FHIT: variants seen among roughly 807,000 people sequenced by gnomAD.
FHIT encodes the protein bis(5'-adenosyl)-triphosphatase.
A neutral mutation model predicts 17.9 loss-of-function variants in FHIT; 19 were observed. That is an observed-to-expected ratio of 1.06 (90% CI 0.74 to 1.56). The LOEUF (loss-of-function observed/expected upper bound fraction) is 1.56. Ranked by LOEUF, FHIT falls within the 40% of genes most tolerant of loss-of-function variation. FHIT has a pLI of 0.00. For missense variants in FHIT, 248 were observed against 189.2 expected, an observed-to-expected ratio of 1.31 and a Z score of -1.82; for synonymous variants, 81 against 69.7, an observed-to-expected ratio of 1.16 and a Z score of -0.81.
At chr3:60,712,853 C>A (rs1261185989) in intron 4 of FHIT, among the ~76,000 whole-genome samples, 1 of 145,604 alleles carries the variant, frequency 6.9e-6, no homozygotes, top group African/African-American at 2.5e-5. Flanking sequence ...CCACTGTCAA[C>A]ATTAGACAGA....
At chr3:60,535,195 G>C (rs2035937058) in intron 5 of FHIT, among the ~76,000 whole-genome samples, 1 of 152,124 alleles carries the variant, frequency 6.6e-6, no homozygotes, top group Non-Finnish European at 1.5e-5. Flanking sequence ...CTGCAACTTA[G>C]CCTGGGCTAC....
chr3:60,123,227 T>C (rs990931329), intron 5 of FHIT, among the ~76,000 whole-genome samples: 7 of 152,182 alleles, frequency 4.6e-5, no homozygotes, highest in Non-Finnish European at 8.8e-5. Context: ...ATTAGCAAGA[T>C]TGATGAGAAG....
rs563480009 is a variant in FHIT, at chr3:61,032,978, G to A, written c.-111+9069C>T. Among the ~76,000 whole-genome samples, 6 of 152,314 alleles carry A rather than the reference G, an allele frequency of 3.9e-5. No homozygotes were observed. The East Asian group carries it at 1.2e-3, about 29-fold the overall frequency. ...AAGATACAGGAGCTCTGATATCTGA[G>A]GACAGAAGAAGATGGATATACCTGC... On this transcript the variant is annotated intron_variant, in intron 3 of 9. Coordinates refer to ENST00000492590, the MANE Select transcript of FHIT (RefSeq NM_002012.4).
intron 4 of FHIT, among the ~76,000 whole-genome samples, chr3:60,635,808 A>C (rs1291478741): frequency 3.3e-5 from 5 of 152,090 alleles, no homozygotes; most frequent in African/African-American, 1.2e-4. Context: ...GGGTTGGCAA[A>C]CTTTTCCCTT....
chr3:60,369,784 A>C (rs924192802), intron 5 of FHIT, among the ~76,000 whole-genome samples: 4 of 152,126 alleles, frequency 2.6e-5, no homozygotes, highest in African/African-American at 9.7e-5. Flanking sequence ...TCTGTTAAGC[A>C]TTCAGTTCTG....
intron 5 of FHIT, among the ~76,000 whole-genome samples, chr3:60,267,658 T>C (rs1266508601): frequency 6.6e-6 from 1 of 152,112 alleles, no homozygotes; most frequent in African/African-American, 2.4e-5. Context: ...CACTTAGCAT[T>C]TTCTACTGTA....
intron 5 of FHIT, among the ~76,000 whole-genome samples, chr3:60,110,512 G>A (rs1704624818): frequency 6.6e-6 from 1 of 152,178 alleles, no homozygotes; most frequent in African/African-American, 2.4e-5. Flanking sequence ...GCTTAGTGAT[G>A]TAAAACAGGT....
intron 4 of FHIT, among the ~76,000 whole-genome samples, chr3:60,547,826 A>T (rs183121288): frequency 1.4e-4 from 21 of 152,306 alleles, no homozygotes; most frequent in Admixed American, 3.3e-4. Context: ...TAGATAGGCA[A>T]CCTAACTTGT....
chr3:59,975,544 C>T (rs533031540), intron 7 of FHIT, among the ~76,000 whole-genome samples: 1 of 152,004 alleles, frequency 6.6e-6, no homozygotes, highest in East Asian at 1.9e-4. Context: ...AAGGTAGGAA[C>T]TATTATCATT....
At chr3:59,774,426 G>A (rs977656282) in intron 8 of FHIT, among the ~76,000 whole-genome samples, 3 of 152,200 alleles carry the variant, frequency 2.0e-5, no homozygotes, top group Non-Finnish European at 4.4e-5. Context: ...ACTTTTTGGT[G>A]TGTGAGGTTC....
intron 8 of FHIT, among the ~76,000 whole-genome samples, chr3:59,843,443 G>T (rs1477895958): frequency 6.6e-6 from 1 of 152,014 alleles, no homozygotes; most frequent in African/African-American, 2.4e-5. Flanking sequence ...CTTTTTGTAT[G>T]TCAGCAAAAA....
chr3:61,210,488 C>A, intron 1 of FHIT, among the ~76,000 whole-genome samples: 1 of 152,208 alleles, frequency 6.6e-6, no homozygotes, highest in African/African-American at 2.4e-5. Flanking sequence ...TGTTTACCTA[C>A]TCAAGCCTTG....
chr3:61,059,372 CTTTTTTTTTTTTTTT>C (rs201797361), intron 2 of FHIT, among the ~76,000 whole-genome samples: 1 of 113,282 alleles, frequency 8.8e-6, no homozygotes, highest in South Asian at 2.9e-4. Flanking sequence ...TTGCTTTTTC[CTTTTTTTTTTTTTTT>C]TTTTTTTTGC....
chr3:60,005,204 A>G (rs1456855571), intron 7 of FHIT, among the ~76,000 whole-genome samples: 5 of 152,164 alleles, frequency 3.3e-5, no homozygotes, highest in African/African-American at 9.7e-5. Flanking sequence ...AACAGGGAAA[A>G]AGTAAATAAG....
At chr3:60,233,559 C>T (rs1704611627) in intron 5 of FHIT, among the ~76,000 whole-genome samples, 1 of 152,148 alleles carries the variant, frequency 6.6e-6, no homozygotes, top group South Asian at 2.1e-4. Flanking sequence ...ACCCTTACCA[C>T]TCTACCTATT....
intron 4 of FHIT, among the ~76,000 whole-genome samples, chr3:60,785,984 A>C (rs563301601): frequency 7.1e-6 from 1 of 141,570 alleles, no homozygotes; most frequent in South Asian, 2.1e-4. Flanking sequence ...CTACAGAGAT[A>C]AAGACAGAAG....
intron 4 of FHIT, among the ~76,000 whole-genome samples, chr3:60,770,781 A>G (rs1177240521): frequency 6.6e-6 from 1 of 152,206 alleles, no homozygotes; most frequent in African/African-American, 2.4e-5. Flanking sequence ...AGTTTTGGAC[A>G]TTGTTCCCAA....
intron 5 of FHIT, among the ~76,000 whole-genome samples, chr3:60,257,892 G>A (rs936470330): frequency 2.0e-5 from 3 of 151,978 alleles, no homozygotes; most frequent in Non-Finnish European, 4.4e-5. Flanking sequence ...AAGGCCTGTC[G>A]GAGGGTCAAC....
At chr3:60,079,255 G>A (rs950812621) in intron 5 of FHIT, among the ~76,000 whole-genome samples, 2 of 152,120 alleles carry the variant, frequency 1.3e-5, no homozygotes, top group African/African-American at 2.4e-5. Flanking sequence ...CAGAGACAAT[G>A]CTGTTCTAGG....
Sources: gnomAD v4.1 joint callset for allele counts (sites outside exome capture counted in the v4.1 genomes callset) on GRCh38, gnomAD v4.1.1 for gene constraint, MANE v1.5 for transcripts, NCBI Gene and HGNC (gene_info 2026-07-23, HGNC 2026-07-21) for gene names.